Variants in ELMO2 observed in about 807,000 individuals in gnomAD.
ELMO2 encodes engulfment and cell motility protein 2.
ELMO2 carries 37 observed loss-of-function variants against 96.2 expected under a neutral mutation model. That is an observed-to-expected ratio of 0.38 (90% CI 0.30 to 0.51). The LOEUF (loss-of-function observed/expected upper bound fraction) is 0.51, where lower values mean the gene tolerates loss of function less well. ELMO2 is among the 20% of genes least tolerant of loss of function. The pLI is 0.88. For missense variants in ELMO2, 561 were observed against 912.6 expected, an observed-to-expected ratio of 0.61 and a Z score of 4.96; for synonymous variants, 315 against 329.4, an observed-to-expected ratio of 0.96 and a Z score of 0.47.
intron 15 of ELMO2, 105 bp from the exon 16 acceptor site, chr20:46,373,640 C>A: frequency 6.9e-7 from 1 of 1,445,062 alleles, no homozygotes; most frequent in Non-Finnish European, 9.4e-7. Context: ...CAAAAGCAGC[C>A]TAAGGCGCGC....
Position 46,371,649 on chromosome 20 carries a change from G to A in ELMO2, c.1623C>T (p.Ile541=), listed in dbSNP as rs142132720. 664 of 1,613,100 alleles carry A rather than the reference G, an allele frequency of 4.1e-4. 7 individuals carry two copies. The highest frequency in any genetic ancestry group is 3.3e-3 in the Middle Eastern group (20 of 6,058). ...AGAGCCGGTTCAGGCGCTGCTGCTT[G>A]ATCAGCTCAAGGATCTCGGGCTGGA... ...EKIQPEILEL[I]KQQRLNRLCE... is the part of the protein sequence containing the mutation. The change falls in exon 18 of 22, where the codon ATC becomes ATT. Residue 541 remains isoleucine, a synonymous_variant. Transcript: ENST00000290246. The surrounding 1 kb of genome is among the most constrained non-coding windows in gnomAD (Gnocchi z 5.9).
At chr20:46,388,158 T>C (rs1483986055) in intron 7 of ELMO2, among the ~76,000 whole-genome samples, 1 of 152,180 alleles carries the variant, frequency 6.6e-6, no homozygotes, top group Non-Finnish European at 1.5e-5. Flanking sequence ...ACAATAATAC[T>C]GCAAGGTAGC....
At chr20:46,374,750 A>G in intron 13 of ELMO2, 110 bp from the exon 14 acceptor site, 2 of 867,030 alleles carry the variant, frequency 2.3e-6, no homozygotes, top group East Asian at 5.2e-5. Flanking sequence ...CTCAGCACCC[A>G]CCTCTGTCCT....
intron 2 of ELMO2, among the ~76,000 whole-genome samples, chr20:46,395,656 G>A (rs1302615060): frequency 6.6e-6 from 1 of 152,178 alleles, no homozygotes; most frequent in Non-Finnish European, 1.5e-5. Context: ...AAACCTCTTA[G>A]ATGAAAAGGA....
chr20:46,405,215 T>C (rs2060408597), intron 1 of ELMO2, among the ~76,000 whole-genome samples: 1 of 152,186 alleles, frequency 6.6e-6, no homozygotes, highest in Non-Finnish European at 1.5e-5. Flanking sequence ...CAAGTGTTGT[T>C]AAGGACAAGT....
intron 8 of ELMO2, 90 bp downstream of exon 8, chr20:46,387,248 C>T: frequency 1.8e-6 from 2 of 1,113,510 alleles, no homozygotes; most frequent in Non-Finnish European, 2.7e-6. Flanking sequence ...GCTGATCTCA[C>T]CAGAATGGCG....
At chr20:46,388,386 C>T (rs1255276658) in intron 7 of ELMO2, among the ~76,000 whole-genome samples, 1 of 152,190 alleles carries the variant, frequency 6.6e-6, no homozygotes, top group Admixed American at 6.5e-5. Flanking sequence ...ATTTCTGACT[C>T]CCTCTTTGGC....
chr20:46,375,871 A>G lies in ELMO2; in HGVS notation c.808-81T>C. 7 of 1,572,438 alleles carry G rather than the reference A, an allele frequency of 4.5e-6. No individual in the cohort carries two copies. Among genetic ancestry groups the G allele is most frequent in the Non-Finnish European group, 6.1e-6 (7 of 1,152,016 alleles). ...GCCACATCCATGCTAAGGAAAAGGA[A>G]TGTATGTTGGGAAGGGAACAGAGCT... On this transcript the variant is annotated intron_variant, in intron 11 of 21. Transcript: ENST00000290246. This position sits in a 1 kb window ranked among gnomAD's most constrained non-coding sequence, Gnocchi z 4.6.
At chr20:46,392,336 A>G (rs2060164877) in intron 6 of ELMO2, among the ~76,000 whole-genome samples, 1 of 152,050 alleles carries the variant, frequency 6.6e-6, no homozygotes, top group East Asian at 1.9e-4. Context: ...CACCATACTC[A>G]TAAAGCTTAC....
intron 20 of ELMO2, 123 bp downstream of exon 20, chr20:46,370,320 T>C: frequency 3.3e-6 from 3 of 921,464 alleles, no homozygotes; most frequent in Non-Finnish European, 5.4e-6. Context: ...TGTTCAAAAT[T>C]CTTAATAAAA....
chr20:46,398,893 G>A (rs1424428384), intron 1 of ELMO2, 122 bp from the exon 2 acceptor site: 5 of 152,178 alleles, frequency 3.3e-5, no homozygotes, highest in East Asian at 1.9e-4. Flanking sequence ...AGTTCTCATC[G>A]CTCTATATAA....
intron 6 of ELMO2, among the ~76,000 whole-genome samples, chr20:46,391,365 G>A (rs1373321260): frequency 1.3e-5 from 2 of 152,170 alleles, no homozygotes; most frequent in Non-Finnish European, 2.9e-5. Context: ...GGGCTATCAA[G>A]AGTACCTATC....
chr20:46,369,961 GGTGTGTGTGTGT>G (rs200632114), intron 20 of ELMO2: 2,142 of 50,194 alleles, frequency 0.043, 15 homozygotes, highest in Middle Eastern at 0.077. Flanking sequence ...TGGGTATGGG[GGTGTGTGTGTGT>G]GTGTGTGTGT....
At chr20:46,378,419 A>G (rs1033398882) in intron 11 of ELMO2, among the ~76,000 whole-genome samples, 2 of 152,250 alleles carry the variant, frequency 1.3e-5, no homozygotes, top group Non-Finnish European at 2.9e-5. Context: ...CCGATTAAAT[A>G]GTAAGTCTCA....
intron 11 of ELMO2, among the ~76,000 whole-genome samples, chr20:46,379,748 C>G (rs1408892617): frequency 6.6e-6 from 1 of 152,160 alleles, no homozygotes; most frequent in Non-Finnish European, 1.5e-5. Flanking sequence ...CGGAAACACT[C>G]TTCTTCAAGG....
At chr20:46,373,625 A>C in intron 15 of ELMO2, 90 bp from the exon 16 acceptor site, 1 of 1,542,278 alleles carries the variant, frequency 6.5e-7, no homozygotes, top group South Asian at 1.2e-5. Context: ...CAAAGTCCCG[A>C]GGAACAAAAG....
At chr20:46,404,986 G>C (rs1239346377) in intron 1 of ELMO2, among the ~76,000 whole-genome samples, 3 of 152,078 alleles carry the variant, frequency 2.0e-5, no homozygotes, top group Non-Finnish European at 2.9e-5. Flanking sequence ...CCTGCAGGTA[G>C]GACATCAGTG....
chr20:46,373,206 GACAAGCTCA>G, intron 16 of ELMO2, 184 bp downstream of exon 16: 1 of 665,484 alleles, frequency 1.5e-6, no homozygotes, highest in Admixed American at 3.1e-5. Context: ...CCAAGTGGAA[GACAAGCTCA>G]AGGTCACAGA....
At position 46,373,387 on chromosome 20, in the gene ELMO2, G is replaced by A. The variant is rs748908260; in HGVS notation, c.1416+12C>T. ...CCTCCCGTGGGCCTCAGAGCAGCCC[G>A]GAGACACTGACCTTGTTGAAGTCCT... On this transcript the variant is annotated intron_variant, in intron 16 of 21. Transcript: ENST00000290246. 7 of 1,614,078 alleles carry A rather than the reference G, an allele frequency of 4.3e-6. No homozygotes were observed. The highest frequency in any genetic ancestry group is 3.3e-5 in the Admixed American group (2 of 60,010).
Sources: gnomAD v4.1 joint callset for allele counts (sites outside exome capture counted in the v4.1 genomes callset) on GRCh38, gnomAD v4.1.1 for gene constraint, Gnocchi (gnomAD v3.1) non-coding constraint, MANE v1.5 for transcripts, NCBI Gene and HGNC (gene_info 2026-07-23, HGNC 2026-07-21) for gene names.